Variants in PRPF31 observed in about 807,000 individuals in gnomAD.
PRPF31 encodes the protein U4/U6 small nuclear ribonucleoprotein Prp31.
Under a neutral mutation model 60.4 loss-of-function variants are expected in PRPF31, and 12 were observed. The ratio of observed to expected loss-of-function variants is 0.20; its 90% CI spans 0.13 to 0.32. PRPF31 has a LOEUF of 0.32. PRPF31 is among the 10% of genes least tolerant of loss of function. PRPF31 has a pLI of 1.00. For synonymous variants in PRPF31, 287 were observed against 287.9 expected (o/e 1.00, Z 0.03); for missense variants, 431 against 687.1 (o/e 0.63, Z 4.17).
chr19:54,116,543 C>T (rs1451044858), intron 1 of PRPF31, among the ~76,000 whole-genome samples: 2 of 152,226 alleles, frequency 1.3e-5, no homozygotes, highest in Non-Finnish European at 2.9e-5. Context: ...TAATATGCGC[C>T]TACCATGGTG....
chr19:54,128,919 C>T (rs1281010885), intron 11 of PRPF31, 138 bp from the exon 12 acceptor site: 9 of 897,014 alleles, frequency 1.0e-5, no homozygotes, highest in East Asian at 5.3e-5. Context: ...TCAGCCGGGC[C>T]GAGTGGGTAC....
At chr19:54,123,005 C>G in intron 5 of PRPF31, 1 of 446,626 alleles carries the variant, frequency 2.2e-6, no homozygotes, top group Non-Finnish European at 4.2e-6. Flanking sequence ...TCACGTCCAG[C>G]CTTTGGGTCT....
Position 54,124,501 on chromosome 19 carries a change from G to T in PRPF31, c.700G>T (p.Val234Leu). 1.2e-6 allele frequency: 2 copies of T among 1,602,296 alleles called. No individual in the cohort carries two copies. The highest frequency in any genetic ancestry group is 8.5e-7 in the Non-Finnish European group (1 of 1,176,546). ...GASTAAKIMG[V>L]AGGLTNLSKM... ...TTCCTCCCTCCCTCCCACCGCAGGT[G>T]TGGCCGGCGGCCTGACCAACCTCTC... The change falls in exon 8 of 14, where the codon GTG becomes TTG. Residue 234 changes from valine (V) to leucine (L), a missense_variant and splice_region_variant. By Grantham distance (32) the Val-to-Leu change is conservative. Around this residue, in one of 4 missense-constraint regions of PRPF31, gnomAD observed 314 missense variants for 475.3 expected, o/e 0.66. Coordinates refer to ENST00000321030, the MANE Select transcript of PRPF31 (RefSeq NM_015629.4).
At chr19:54,121,000 G>C (rs1360607939) in intron 3 of PRPF31, among the ~76,000 whole-genome samples, 3 of 152,114 alleles carry the variant, frequency 2.0e-5, no homozygotes, top group Non-Finnish European at 1.5e-5. Flanking sequence ...CACATGCAGA[G>C]GCCAGGAGGG....
intron 1 of PRPF31, among the ~76,000 whole-genome samples, chr19:54,117,793 A>G (rs2073686586): frequency 6.6e-6 from 1 of 151,978 alleles, no homozygotes; most frequent in Non-Finnish European, 1.5e-5. Context: ...GGAGGTTGCA[A>G]GTGAGCCAAG....
In PRPF31 at chr19:54,128,285, G is replaced by GGGCCCCCC; in HGVS notation, c.1074-20_1074-19insGGCCCCCC. ...TCCTCCCAGCCGACTCCCTGGCGCC[G>GGGCCCCCC]CCCACCCACCCGTCCCCAGGTACCG... is the stretch of plus-strand genomic sequence containing the variant. On this transcript the variant is annotated intron_variant, in intron 10 of 13. Transcript: ENST00000321030. 1 of 1,540,450 alleles carries GGGCCCCCC rather than the reference G, an allele frequency of 6.5e-7. No individual in the cohort carries two copies. Among genetic ancestry groups the GGGCCCCCC allele is most frequent in the Non-Finnish European group, 8.8e-7 (1 of 1,139,236 alleles).
chr19:54,126,900 G>A (rs1416193668), intron 9 of PRPF31, among the ~76,000 whole-genome samples: 1 of 152,212 alleles, frequency 6.6e-6, no homozygotes, highest in East Asian at 1.9e-4. Flanking sequence ...GGAGGCCAGG[G>A]TGGGCGGGTC....
intron 8 of PRPF31, 54 bp from the exon 9 acceptor site, chr19:54,126,474 T>TA: frequency 6.4e-7 from 1 of 1,563,782 alleles, no homozygotes; most frequent in Non-Finnish European, 8.7e-7. Context: ...GCTTTGCTGT[T>TA]ACCTCTGTCT....
rs113920786 is a variant in PRPF31 at position 54,130,180 on chromosome 19, G to A, written c.1374+810G>A. Reference sequence around the variant, plus strand: ...TAGGAGAAGGCAGAAATGCCAGGCCGGGCGCAGACAGCTCAGTAAGATGTC... The same window carrying A: ...TAGGAGAAGGCAGAAATGCCAGGCCAGGCGCAGACAGCTCAGTAAGATGTC... On this transcript the variant is annotated intron_variant, in intron 13 of 13. Transcript: ENST00000321030. Among the ~76,000 whole-genome samples, 569 of 136,782 alleles carry A rather than the reference G, an allele frequency of 4.2e-3. 1 individual carries two copies. The highest frequency in any genetic ancestry group is 0.015 in the African/African-American group (518 of 33,562). 89.7% of individuals were successfully genotyped at this position (136,782 alleles called of 152,430 possible).
chr19:54,116,424 T>C (rs1191460376), intron 1 of PRPF31, among the ~76,000 whole-genome samples: 1 of 151,982 alleles, frequency 6.6e-6, no homozygotes. Context: ...CAGGCTGGTC[T>C]CCAACTCCTG....
At position 54,123,763 on chromosome 19, in the gene PRPF31, A is replaced by C; in HGVS notation, c.542A>C (p.Glu181Ala). ...CGCCCCTGCAGGCAGCAGCTGTCGG[A>C]GGAGGAGCTGGAGCGGCTGGAGGAG... ...ASTTQGQQLS[E>A]EELERLEEAC... Residue 181 changes from glutamate to alanine, a missense_variant, in exon 7 of 14, where the codon GAG becomes GCG. Physicochemically the swap from Glu to Ala is moderately radical, Grantham distance 107. Transcript: ENST00000321030. The C allele has an allele frequency of 6.2e-7, 1 of 1,610,892 alleles. No homozygotes were observed. Among genetic ancestry groups the C allele is most frequent in the Non-Finnish European group, 8.5e-7 (1 of 1,179,476 alleles).
chr19:54,128,971 G>T, intron 11 of PRPF31, 86 bp from the exon 12 acceptor site: 1 of 1,403,668 alleles, frequency 7.1e-7, no homozygotes. Flanking sequence ...GTGACCGCTG[G>T]GCTTCGGGCT....
At chr19:54,125,875 G>A (rs754422363) in intron 8 of PRPF31, among the ~76,000 whole-genome samples, 5 of 152,276 alleles carry the variant, frequency 3.3e-5, no homozygotes, top group African/African-American at 1.2e-4. Context: ...CATCGCCACC[G>A]CCTCACAGCC....
intron 9 of PRPF31, among the ~76,000 whole-genome samples, chr19:54,127,383 G>T (rs1210749088): frequency 6.6e-6 from 1 of 152,134 alleles, no homozygotes; most frequent in East Asian, 1.9e-4. Context: ...TCATATCTCC[G>T]CCTCTGTTTT....
At chr19:54,120,668 T>A (rs377495507) in intron 3 of PRPF31, among the ~76,000 whole-genome samples, 6 of 152,324 alleles carry the variant, frequency 3.9e-5, no homozygotes, top group South Asian at 2.1e-4. Context: ...CAGAATGCAG[T>A]GGCACGATCC....
At chr19:54,127,905 T>C (rs937612660) in intron 9 of PRPF31, among the ~76,000 whole-genome samples, 168 bp from the exon 10 acceptor site, 3 of 152,208 alleles carry the variant, frequency 2.0e-5, no homozygotes, top group Non-Finnish European at 4.4e-5. Flanking sequence ...GTCCTGCGTC[T>C]AGCGGTGCTA....
Position 54,121,952 on chromosome 19 carries a change from TG to T in PRPF31, c.322+15del, listed in dbSNP as rs780710742. 3 of 1,609,138 alleles carry T rather than the reference TG, an allele frequency of 1.9e-6. No homozygotes were observed. The highest frequency in any genetic ancestry group is 1.7e-6 in the Non-Finnish European group (2 of 1,178,014). The stretch of plus-strand genomic sequence containing the variant: ...GATCGAAAACGAGCTGAGTGAGTGC[TG>T]GGGGGCAGGCGGAGACAGCCCCGTG... On this transcript the variant is annotated intron_variant, in intron 4 of 13. Transcript: ENST00000321030.
chr19:54,120,067 G>A (rs1231550429), intron 3 of PRPF31: 1 of 152,250 alleles, frequency 6.6e-6, no homozygotes, highest in Admixed American at 6.5e-5. Context: ...CCTGCCCCAG[G>A]TGTCAGGAAG....
At chr19:54,121,994 C>T in intron 4 of PRPF31, 51 bp downstream of exon 4, 1 of 1,538,216 alleles carries the variant, frequency 6.5e-7, no homozygotes, top group Non-Finnish European at 8.9e-7. Context: ...TCCCTCACGC[C>T]CCCTCTCCCT....
Sources: gnomAD v4.1 joint callset for allele counts (sites outside exome capture counted in the v4.1 genomes callset) on GRCh38, gnomAD v4.1.1 for gene constraint, gnomAD v4.1.1 regional missense constraint, MANE v1.5 for transcripts, NCBI Gene and HGNC (gene_info 2026-07-23, HGNC 2026-07-21) for gene names.